Variants in PLCXD3 observed in about 807,000 individuals in gnomAD.
PLCXD3 encodes phosphatidylinositol specific phospholipase C X domain containing 3.
A neutral mutation model predicts 25.5 loss-of-function variants in PLCXD3; 19 were observed. That is an observed-to-expected ratio of 0.75 (90% CI 0.52 to 1.09). PLCXD3 has a LOEUF of 1.09. PLCXD3 is among the 50% of genes least tolerant of loss of function. The pLI, the probability that PLCXD3 is intolerant of heterozygous loss-of-function variation, is 0.00. For missense variants in PLCXD3, 411 were observed against 388.1 expected, an observed-to-expected ratio of 1.06 and a Z score of -0.50; for synonymous variants, 174 against 137.6, an observed-to-expected ratio of 1.26 and a Z score of -1.85.
intron 1 of PLCXD3, among the ~76,000 whole-genome samples, chr5:41,417,389 T>C (rs1746718818): frequency 6.6e-6 from 1 of 152,182 alleles, no homozygotes; most frequent in Non-Finnish European, 1.5e-5. Context: ...CTCCTTTTCA[T>C]TCCAGGAACT....
intron 1 of PLCXD3, among the ~76,000 whole-genome samples, chr5:41,411,233 C>A (rs1464651766): frequency 6.6e-6 from 1 of 152,192 alleles, no homozygotes; most frequent in African/African-American, 2.4e-5. Context: ...GGCACTATTT[C>A]TTTTCCTTTT....
At chr5:41,458,048 A>G (rs899630650) in intron 1 of PLCXD3, among the ~76,000 whole-genome samples, 9 of 151,900 alleles carry the variant, frequency 5.9e-5, no homozygotes, top group Non-Finnish European at 1.2e-4. Context: ...TTGAGACAGA[A>G]CAATGATTTA....
chr5:41,398,184 T>A (rs1282267136), intron 1 of PLCXD3, among the ~76,000 whole-genome samples: 1 of 152,154 alleles, frequency 6.6e-6, no homozygotes, highest in East Asian at 1.9e-4. Flanking sequence ...CCCATCCAAA[T>A]CTTATGTTGA....
chr5:41,449,558 T>C (rs1465001512), intron 1 of PLCXD3, among the ~76,000 whole-genome samples: 1 of 152,072 alleles, frequency 6.6e-6, no homozygotes, highest in Non-Finnish European at 1.5e-5. Context: ...TGAAAGGTGA[T>C]CATAAAAGGA....
At chr5:41,420,958 C>G (rs1035407086) in intron 1 of PLCXD3, among the ~76,000 whole-genome samples, 1 of 152,028 alleles carries the variant, frequency 6.6e-6, no homozygotes, top group African/African-American at 2.4e-5. Flanking sequence ...GATACTTTTC[C>G]CCTGCATTTC....
chr5:41,364,154 T>C (rs552816179), intron 2 of PLCXD3, among the ~76,000 whole-genome samples: 1 of 152,140 alleles, frequency 6.6e-6, no homozygotes, highest in Non-Finnish European at 1.5e-5. Flanking sequence ...GGGAAGGTGC[T>C]ACTGGAATCC....
At chr5:41,405,610 C>T (rs1746326941) in intron 1 of PLCXD3, among the ~76,000 whole-genome samples, 1 of 152,068 alleles carries the variant, frequency 6.6e-6, no homozygotes, top group African/African-American at 2.4e-5. Context: ...CTTATAATTC[C>T]CTGTTCCCAC....
chr5:41,315,953 A>G (rs956685089), intron 2 of PLCXD3, among the ~76,000 whole-genome samples: 2 of 152,170 alleles, frequency 1.3e-5, no homozygotes, highest in African/African-American at 2.4e-5. Context: ...TGTGTCTCCA[A>G]GTAAATTTGA....
At position 41,309,375 on chromosome 5, in the gene PLCXD3, G is replaced by C. The variant is rs996352881; in HGVS notation, c.*4242C>G. On this transcript the variant is annotated 3_prime_UTR_variant, in exon 3 of 3. Transcript: ENST00000377801. ...GCAGATATAGCATTTACACCATAGT[G>C]TCACTGAAATCTAGCTGAAAAGACT... is the stretch of plus-strand genomic sequence containing the variant. 1.3e-5 allele frequency: 2 copies of C among 152,542 alleles called. No homozygotes were observed. The highest frequency in any genetic ancestry group is 2.4e-5 in the African/African-American group (1 of 41,442). 9.4% of individuals were successfully genotyped at this position (152,542 alleles called of 1,614,324 possible). A position where few individuals can be genotyped will look rare whatever the true frequency, so the allele number is the denominator to read the frequency against.
chr5:41,329,354 G>T (rs1447760142), intron 2 of PLCXD3, among the ~76,000 whole-genome samples: 1 of 152,146 alleles, frequency 6.6e-6, no homozygotes, highest in South Asian at 2.1e-4. Flanking sequence ...CTCTTTGAGG[G>T]CTGTTTTCCT....
At position 41,308,922 on chromosome 5, in the gene PLCXD3, G is replaced by A. The variant is rs1022773676; in HGVS notation, c.*4695C>T. The stretch of plus-strand genomic sequence containing the variant: ...ACCTCACAAGGTGGACAGTTTGCTT[G>A]TGGGAACTCAGATAGGTTCTAAAGC... On this transcript the variant is annotated 3_prime_UTR_variant, in exon 3 of 3. Transcript: ENST00000377801. 1 of 152,540 alleles carries A rather than the reference G, an allele frequency of 6.6e-6. No homozygotes were observed. The highest frequency in any genetic ancestry group is 1.5e-5 in the Non-Finnish European group (1 of 68,012). 9.4% of individuals were successfully genotyped at this position (152,540 alleles called of 1,614,324 possible).
chr5:41,476,069 C>G (rs996466753), intron 1 of PLCXD3, among the ~76,000 whole-genome samples: 4 of 152,174 alleles, frequency 2.6e-5, no homozygotes, highest in African/African-American at 9.7e-5. Flanking sequence ...CTGTACATAA[C>G]CCCATCATAA....
chr5:41,483,780 G>A (rs1748461992), intron 1 of PLCXD3, among the ~76,000 whole-genome samples: 1 of 152,062 alleles, frequency 6.6e-6, no homozygotes, highest in Non-Finnish European at 1.5e-5. Flanking sequence ...AGTCTTAAAA[G>A]GAATTGCTGA....
intron 1 of PLCXD3, among the ~76,000 whole-genome samples, chr5:41,394,807 G>T (rs949087420): frequency 2.0e-5 from 3 of 152,100 alleles, no homozygotes; most frequent in African/African-American, 7.2e-5. Flanking sequence ...CCCAACAGTG[G>T]ATAACCTAGA....
chr5:41,464,442 G>C (rs1283935263), intron 1 of PLCXD3, among the ~76,000 whole-genome samples: 1 of 151,992 alleles, frequency 6.6e-6, no homozygotes, highest in Non-Finnish European at 1.5e-5. Context: ...CAGATAATAA[G>C]ATAAAATTAA....
chr5:41,462,918 T>C (rs549575745), intron 1 of PLCXD3, among the ~76,000 whole-genome samples: 2 of 152,138 alleles, frequency 1.3e-5, no homozygotes, highest in South Asian at 4.1e-4. Flanking sequence ...AGAACATTTT[T>C]AGTAGAATGA....
chr5:41,396,612 G>T (rs1746015556), intron 1 of PLCXD3, among the ~76,000 whole-genome samples: 1 of 152,196 alleles, frequency 6.6e-6, no homozygotes, highest in Admixed American at 6.5e-5. Flanking sequence ...AATGGGCTGA[G>T]TTTAGAACAG....
chr5:41,428,323 C>A (rs1294912156), intron 1 of PLCXD3, among the ~76,000 whole-genome samples: 2 of 151,762 alleles, frequency 1.3e-5, no homozygotes, highest in East Asian at 3.9e-4. Flanking sequence ...GAAGCCCTAA[C>A]CCCCAGTACC....
At chr5:41,507,561 C>T (rs977128993) in intron 1 of PLCXD3, among the ~76,000 whole-genome samples, 3 of 152,238 alleles carry the variant, frequency 2.0e-5, no homozygotes, top group South Asian at 4.1e-4. Flanking sequence ...TTAAAGACAC[C>T]GGAACTGTGC....
Sources: gnomAD v4.1 joint callset for allele counts (sites outside exome capture counted in the v4.1 genomes callset) on GRCh38, gnomAD v4.1.1 for gene constraint, MANE v1.5 for transcripts, NCBI Gene and HGNC (gene_info 2026-07-23, HGNC 2026-07-21) for gene names.